CACNB4: variants seen among roughly 807,000 people sequenced by gnomAD.
CACNB4 encodes voltage-dependent L-type calcium channel subunit beta-4.
A neutral mutation model predicts 71.2 loss-of-function variants in CACNB4; 32 were observed. That is an observed-to-expected ratio of 0.45 (90% CI 0.34 to 0.60). The LOEUF (loss-of-function observed/expected upper bound fraction) is 0.60, where lower values mean the gene tolerates loss of function less well. Among genes scored for constraint, CACNB4 ranks in the 20% least tolerant of loss-of-function variants. The pLI, the probability that CACNB4 is intolerant of heterozygous loss-of-function variation, is 0.01. For missense variants in CACNB4, 464 were observed against 647.9 expected (o/e 0.72, Z 3.08); for synonymous variants, 231 against 236.9 (o/e 0.97, Z 0.23).
intron 2 of CACNB4, among the ~76,000 whole-genome samples, chr2:152,070,011 T>A (rs1387410538): frequency 6.6e-6 from 1 of 151,780 alleles, no homozygotes; most frequent in Non-Finnish European, 1.5e-5. Flanking sequence ...CCTGGCTAAT[T>A]TTTTTGTATT....
intron 2 of CACNB4, among the ~76,000 whole-genome samples, chr2:151,917,834 C>A (rs376830609): frequency 4.8e-3 from 560 of 116,118 alleles, no homozygotes; most frequent in Middle Eastern, 8.8e-3. Flanking sequence ...GACACTGTCT[C>A]AAAAAAAAAA....
intron 2 of CACNB4, among the ~76,000 whole-genome samples, chr2:151,927,338 G>T (rs927521627): frequency 2.0e-5 from 3 of 152,186 alleles, no homozygotes; most frequent in Admixed American, 1.3e-4. Context: ...CACACAAGGG[G>T]AGAGGCTGGG....
intron 2 of CACNB4, among the ~76,000 whole-genome samples, chr2:152,078,848 G>A (rs973943015): frequency 2.6e-5 from 4 of 152,142 alleles, no homozygotes; most frequent in Admixed American, 1.3e-4. Context: ...ACTGTTAAGT[G>A]ACAAAGAAAT....
chr2:151,882,012 C>G (rs1441103062), intron 3 of CACNB4, among the ~76,000 whole-genome samples: 8 of 151,188 alleles, frequency 5.3e-5, no homozygotes, highest in Non-Finnish European at 1.5e-5. Context: ...TCCCGAGTAG[C>G]TGGGATTACA....
At chr2:152,081,035 A>C (rs2105419418) in intron 2 of CACNB4, among the ~76,000 whole-genome samples, 1 of 152,310 alleles carries the variant, frequency 6.6e-6, no homozygotes, top group South Asian at 2.1e-4. Flanking sequence ...TATGTGAGCC[A>C]AAATAAACCT....
chr2:151,971,486 C>T, intron 2 of CACNB4: 1 of 702,704 alleles, frequency 1.4e-6, no homozygotes, highest in Non-Finnish European at 2.6e-6. Context: ...CTTTCCACGC[C>T]TATCCACCAG....
chr2:151,867,933 G>A (rs1378249185), intron 9 of CACNB4: 2 of 152,196 alleles, frequency 1.3e-5, no homozygotes, highest in Non-Finnish European at 2.9e-5. Flanking sequence ...AGCTTCCATT[G>A]TGTTTGAATC....
At chr2:151,992,356 T>C (rs1681756049) in intron 2 of CACNB4, among the ~76,000 whole-genome samples, 1 of 152,270 alleles carries the variant, frequency 6.6e-6, no homozygotes, top group African/African-American at 2.4e-5. Flanking sequence ...TCCTTCAGTT[T>C]ATCCCGTGTC....
chr2:151,874,961 C>T (rs2099845575), intron 5 of CACNB4: 1 of 399,256 alleles, frequency 2.5e-6, no homozygotes, highest in East Asian at 3.6e-5. Flanking sequence ...CAAGAGATGC[C>T]ACAAAAAGCC....
At chr2:151,937,350 T>C (rs10497088) in intron 2 of CACNB4, among the ~76,000 whole-genome samples, 2,888 of 152,282 alleles carry the variant, frequency 0.019, 254 homozygotes, top group Admixed American at 0.16. Context: ...TGCCTTACAC[T>C]ATGAAAATGC....
chr2:152,078,296 T>C (rs1025071777), intron 2 of CACNB4, among the ~76,000 whole-genome samples: 2 of 152,136 alleles, frequency 1.3e-5, no homozygotes, highest in Non-Finnish European at 2.9e-5. Context: ...AGGAGGAAAC[T>C]GGGAGGGCGG....
At chr2:152,044,264 A>T (rs1685025231) in intron 2 of CACNB4, among the ~76,000 whole-genome samples, 1 of 152,106 alleles carries the variant, frequency 6.6e-6, no homozygotes, top group African/African-American at 2.4e-5. Context: ...TCTGTCGCCC[A>T]GGTTGGAGTG....
rs115855748 is a variant in CACNB4, at chr2:151,984,026, T to C, written c.148-100656A>G. 3.6e-3 allele frequency among the ~76,000 whole-genome samples: 547 copies of C among 152,306 alleles called. 1 individual carries two copies. Among genetic ancestry groups the C allele is most frequent in the Non-Finnish European group, 5.4e-3 (366 of 68,002 alleles). ...TATTTCTAATAGCTTGTTACTCTTT[T>C]AATATCAAATTAGCTTTAAATAAAT... On this transcript the variant is annotated intron_variant, in intron 2 of 13. Transcript: ENST00000539935.
At chr2:151,983,778 A>C (rs2151753004) in intron 2 of CACNB4, among the ~76,000 whole-genome samples, 1 of 151,956 alleles carries the variant, frequency 6.6e-6, no homozygotes, top group South Asian at 2.1e-4. Flanking sequence ...TCAAATTTTT[A>C]AGATAGATTG....
In CACNB4 at chr2:152,098,763, G is replaced by A; in HGVS notation, c.63+186C>T. On this transcript the variant is annotated intron_variant, in intron 1 of 13. Coordinates refer to ENST00000539935, the MANE Select transcript of CACNB4 (RefSeq NM_000726.5). The surrounding 1 kb of genome is among the most constrained non-coding windows in gnomAD (Gnocchi z 5.3). ...AGGAGGGTGAGGAGGAGGAGGAAGA[G>A]AAGGAGGAGAAAGAGGAGGAGCGGG... The A allele has an allele frequency of 1.4e-6, 2 of 1,386,142 alleles. No homozygotes were observed. Among genetic ancestry groups the A allele is most frequent in the Non-Finnish European group, 2.0e-6 (2 of 1,012,612 alleles). The allele number at this position is 1,386,142 out of a possible 1,614,324, so 85.9% of individuals were successfully genotyped here.
At chr2:151,914,726 AG>A (rs1369472594) in intron 2 of CACNB4, among the ~76,000 whole-genome samples, 1 of 152,052 alleles carries the variant, frequency 6.6e-6, no homozygotes, top group African/African-American at 2.4e-5. Context: ...TTCAATAGTC[AG>A]GTCCCTCTTC....
At chr2:151,951,537 G>A (rs1193787495) in intron 2 of CACNB4, among the ~76,000 whole-genome samples, 1 of 152,168 alleles carries the variant, frequency 6.6e-6, no homozygotes, top group Non-Finnish European at 1.5e-5. Flanking sequence ...TTTGAGTGAT[G>A]GAACCTGATA....
At chr2:152,086,486 A>AGTTTTAGCACCTGCCACATAGAGAGTG (rs1687668480) in intron 2 of CACNB4, among the ~76,000 whole-genome samples, 2 of 152,112 alleles carry the variant, frequency 1.3e-5, no homozygotes, top group Non-Finnish European at 2.9e-5. Flanking sequence ...CATAGAGAGT[A>AGTTTTAGCACCTGCCACATAGAGAGTG]CAGTTTTATA....
upstream of CACNB4, chr2:152,099,078 C>A: frequency 8.9e-7 from 1 of 1,123,470 alleles, no homozygotes; most frequent in Non-Finnish European, 1.2e-6. Context: ...CGAGGCTGGG[C>A]TGCGGACGGA....
Sources: gnomAD v4.1 joint callset for allele counts (sites outside exome capture counted in the v4.1 genomes callset) on GRCh38, gnomAD v4.1.1 for gene constraint, Gnocchi (gnomAD v3.1) non-coding constraint, MANE v1.5 for transcripts, NCBI Gene and HGNC (gene_info 2026-07-23, HGNC 2026-07-21) for gene names.